Variants in EPM2A observed in about 807,000 individuals in gnomAD.
EPM2A encodes laforin.
A neutral mutation model predicts 26.5 loss-of-function variants in EPM2A; 21 were observed. That is an observed-to-expected ratio of 0.79 (90% CI 0.56 to 1.14). The LOEUF (loss-of-function observed/expected upper bound fraction) is 1.14, where lower values mean the gene tolerates loss of function less well. Ranked by LOEUF, EPM2A falls within the 50% of genes most tolerant of loss-of-function variation. EPM2A has a pLI of 0.00. For missense variants in EPM2A, 458 were observed against 440.8 expected (o/e 1.04, Z -0.35); for synonymous variants, 217 against 177.6 (o/e 1.22, Z -1.76).
In EPM2A at chr6:145,724,318, A is replaced by C. The variant is rs1776091117; in HGVS notation, c.301+10880T>G. Among the ~76,000 whole-genome samples the C allele has an allele frequency of 2.0e-5, 3 of 152,298 alleles. 1 individual carries two copies. The highest frequency in any genetic ancestry group is 4.1e-4 in the South Asian group (2 of 4,832). On this transcript the variant is annotated intron_variant, in intron 1 of 3. Transcript: ENST00000367519. ...AGAACAACTGAAATTTAATTGTTTAAGAAAAACTAAATATACTATTTAAAA... is the reference window on the plus strand; with the variant it reads ...AGAACAACTGAAATTTAATTGTTTACGAAAAACTAAATATACTATTTAAAA...
intron 2 of EPM2A, among the ~76,000 whole-genome samples, chr6:145,523,713 T>C (rs1284956145): frequency 6.6e-6 from 1 of 152,332 alleles, no homozygotes; most frequent in East Asian, 1.9e-4. Context: ...AGTAATATCC[T>C]ACAATGACCT....
intron 2 of EPM2A, among the ~76,000 whole-genome samples, chr6:145,663,657 C>T (rs1272759792): frequency 6.7e-6 from 1 of 148,344 alleles, no homozygotes; most frequent in African/African-American, 2.5e-5. Flanking sequence ...TCAGGAAATA[C>T]AGAGAACGCC....
At chr6:145,434,607 T>C (rs1184486506) in intron 4 of EPM2A, among the ~76,000 whole-genome samples, 1 of 152,186 alleles carries the variant, frequency 6.6e-6, no homozygotes, top group Non-Finnish European at 1.5e-5. Context: ...AGCATAGTTA[T>C]TTTTTAGTTG....
intron 4 of EPM2A, among the ~76,000 whole-genome samples, chr6:145,449,323 T>G (rs2114707351): frequency 6.6e-6 from 1 of 152,286 alleles, no homozygotes; most frequent in Non-Finnish European, 1.5e-5. Context: ...GAGAGCTAAT[T>G]TTTACTGGGC....
chr6:145,632,532 G>T (rs895115572), intron 3 of EPM2A, among the ~76,000 whole-genome samples: 3 of 151,480 alleles, frequency 2.0e-5, no homozygotes, highest in African/African-American at 7.3e-5. Flanking sequence ...GTTTATAAAA[G>T]ATTTTTTAAA....
In EPM2A at chr6:145,625,832, T is replaced by C; in HGVS notation, c.*1584A>G. On this transcript the variant is annotated 3_prime_UTR_variant, in exon 4 of 4. Coordinates refer to ENST00000367519, the MANE Select transcript of EPM2A (RefSeq NM_005670.4). ...TATCCTTCTTGTCCCCCACGCCTTC[T>C]AAATAAGAGTCTCTTGCATCTATCA... is the stretch of plus-strand genomic sequence containing the variant. 6.5e-7 allele frequency: 1 copy of C among 1,548,382 alleles called. No individual in the cohort carries two copies. Among genetic ancestry groups the C allele is most frequent in the Non-Finnish European group, 8.7e-7 (1 of 1,144,668 alleles).
At chr6:145,588,415 G>A (rs1241841747) in intron 2 of EPM2A, among the ~76,000 whole-genome samples, 1 of 152,114 alleles carries the variant, frequency 6.6e-6, no homozygotes, top group East Asian at 1.9e-4. Flanking sequence ...TTTAACTTGG[G>A]AGAATTAAGT....
exon 4 of EPM2A, chr6:145,501,664 G>A: frequency 2.5e-6 from 1 of 399,570 alleles, no homozygotes; most frequent in Non-Finnish European, 5.2e-6. Context: ...GGGGGAAGAA[G>A]GAGTTACGAA....
intron 2 of EPM2A, among the ~76,000 whole-genome samples, chr6:145,654,986 A>G (rs376203182): frequency 2.6e-5 from 4 of 152,156 alleles, no homozygotes; most frequent in South Asian, 4.1e-4. Flanking sequence ...TCTTGAGTGT[A>G]CATTATTTAC....
At chr6:145,697,757 G>T (rs1364054896) in intron 1 of EPM2A, among the ~76,000 whole-genome samples, 2 of 152,178 alleles carry the variant, frequency 1.3e-5, no homozygotes, top group East Asian at 3.9e-4. Flanking sequence ...CTCACTGGCG[G>T]TCAGAGTTTA....
intron 2 of EPM2A, among the ~76,000 whole-genome samples, chr6:145,590,096 T>C (rs576441118): frequency 6.6e-6 from 1 of 152,086 alleles, no homozygotes. Context: ...CTACAAATTA[T>C]AGAAATACTT....
At chr6:145,622,533 G>A (rs561408518), downstream of EPM2A, among the ~76,000 whole-genome samples, 13 of 152,174 alleles carry the variant, frequency 8.5e-5, no homozygotes, top group South Asian at 2.1e-4. Flanking sequence ...TATTAGAGTC[G>A]AGTGGGCCCA....
At position 145,491,514 on chromosome 6, in the gene EPM2A, G is replaced by A. The variant is rs76123795; in HGVS notation, c.555+11008C>T. 9.4e-3 allele frequency among the ~76,000 whole-genome samples: 1,434 copies of A among 152,248 alleles called. 34 individuals carry two copies. Among genetic ancestry groups the A allele is most frequent in the East Asian group, 0.087 (449 of 5,176 alleles). On this transcript the variant is annotated intron_variant, in intron 4 of 4. Coordinates refer to the EPM2A transcript ENST00000638717. Reference sequence around the variant, plus strand: ...TCTCTCTGATGTCAAACCAGTCTCTGATGTCCAGCTGCTTCTTTTCTTCTC... The same window carrying A: ...TCTCTCTGATGTCAAACCAGTCTCTAATGTCCAGCTGCTTCTTTTCTTCTC...
At chr6:145,433,410 A>T (rs1449663471) in intron 4 of EPM2A, among the ~76,000 whole-genome samples, 1 of 152,094 alleles carries the variant, frequency 6.6e-6, no homozygotes, top group Non-Finnish European at 1.5e-5. Flanking sequence ...TTTGTCCCAC[A>T]TTTTATTTTC....
intron 1 of EPM2A, among the ~76,000 whole-genome samples, chr6:145,693,032 C>T (rs4896837): frequency 0.62 from 94,546 of 151,746 alleles, 29,810 homozygotes; most frequent in East Asian, 0.74. Flanking sequence ...ATATTAATTC[C>T]TCTTATCAAG....
In EPM2A at chr6:145,661,652, A is replaced by C. The variant is rs565171358; in HGVS notation, c.476+24470T>G. ...GTAGGAAATAGTGTTAAACAATCTC[A>C]TGAAAAAGATTTTGAAACTAGGCAT... On this transcript the variant is annotated intron_variant, in intron 2 of 3. Transcript: ENST00000367519. Among the ~76,000 whole-genome samples the C allele has an allele frequency of 3.3e-5, 5 of 152,326 alleles. No individual in the cohort carries two copies. The East Asian group carries it at 9.6e-4, about 29-fold the overall frequency.
At chr6:145,470,665 C>G (rs1779461722) in intron 4 of EPM2A, among the ~76,000 whole-genome samples, 3 of 152,018 alleles carry the variant, frequency 2.0e-5, no homozygotes, top group Admixed American at 2.0e-4. Context: ...AGTGAAATTT[C>G]TAGTGCAAAA....
At chr6:145,486,912 T>C (rs922389759) in intron 4 of EPM2A, among the ~76,000 whole-genome samples, 1 of 152,108 alleles carries the variant, frequency 6.6e-6, no homozygotes, top group African/African-American at 2.4e-5. Flanking sequence ...ACATGTGTCA[T>C]GGGATTTGTT....
intron 4 of EPM2A, among the ~76,000 whole-genome samples, chr6:145,452,659 C>A (rs6936299): frequency 0.78 from 116,485 of 148,568 alleles, 45,931 homozygotes; most frequent in East Asian, 0.9. Flanking sequence ...ACTGCACTCC[C>A]GCCTGGGCAA....
Sources: allele counts gnomAD v4.1 joint callset (sites outside exome capture counted in the v4.1 genomes callset), GRCh38; gene constraint gnomAD v4.1.1; transcripts MANE v1.5; gene names NCBI Gene and HGNC (gene_info 2026-07-23, HGNC 2026-07-21).